Variants in TEX10 observed in about 807,000 individuals in gnomAD.
The protein encoded by TEX10 is testis expressed 10, also known as testis-expressed protein 10.
A neutral mutation model predicts 104.4 loss-of-function variants in TEX10; 24 were observed. The ratio of observed to expected loss-of-function variants is 0.23; its 90% confidence interval spans 0.17 to 0.32. The LOEUF is 0.32. TEX10 is among the 10% of genes least tolerant of loss of function. The pLI, the probability that TEX10 is intolerant of heterozygous loss-of-function variation, is 1.00. For missense variants in TEX10, 921 were observed against 1,083.9 expected (o/e 0.85, Z 2.11); for synonymous variants, 396 against 393.4 (o/e 1.01, Z -0.08).
intron 3 of TEX10, 42 bp downstream of exon 3, chr9:100,346,652 A>G: frequency 6.5e-7 from 1 of 1,547,434 alleles, no homozygotes; most frequent in Non-Finnish European, 8.7e-7. Flanking sequence ...GTTATAATTC[A>G]ATACAGCAAA....
In TEX10 at chr9:100,330,051, T is replaced by C. The variant is rs1588177624; in HGVS notation, c.1369A>G (p.Ile457Val). 1 of 1,614,154 alleles carries C rather than the reference T, an allele frequency of 6.2e-7. No individual in the cohort carries two copies. The highest frequency in any genetic ancestry group is 1.1e-5 in the South Asian group (1 of 91,076). The change falls in exon 6 of 15, where the codon ATA becomes GTA. Residue 457 changes from isoleucine (I) to valine (V), a missense_variant. Physicochemically the swap from Ile to Val is conservative, Grantham distance 29 (BLOSUM62 3). Transcript: ENST00000374902. ...GTTACAAATTTCCTTATCATTTCTA[T>C]CCAACTGCAATCCTTCTGCAAAGTT... ...ASTLQKDCSW[I>V]EMIRKFVTET...
At chr9:100,337,450 A>T (rs893041932) in intron 5 of TEX10, among the ~76,000 whole-genome samples, 8 of 152,234 alleles carry the variant, frequency 5.3e-5, no homozygotes, top group African/African-American at 1.9e-4. Context: ...CTCCATCAAT[A>T]CTTTGAGAGT....
intron 2 of TEX10, 149 bp downstream of exon 2, chr9:100,349,035 G>T: frequency 1.9e-6 from 1 of 534,828 alleles, no homozygotes; most frequent in Non-Finnish European, 2.9e-6. Flanking sequence ...GAGATCTTTG[G>T]GTAAAAGATA....
chr9:100,323,849 T>A (rs1032679882), intron 9 of TEX10, among the ~76,000 whole-genome samples: 2 of 152,106 alleles, frequency 1.3e-5, no homozygotes, highest in Non-Finnish European at 2.9e-5. Context: ...TAAAGGAGTA[T>A]TGCAGAAAAA....
chr9:100,336,834 T>G (rs1359453466), intron 5 of TEX10, among the ~76,000 whole-genome samples: 3 of 152,148 alleles, frequency 2.0e-5, no homozygotes, highest in African/African-American at 7.2e-5. Context: ...GGCTATTTGC[T>G]AAGTATTTAA....
intron 4 of TEX10, among the ~76,000 whole-genome samples, chr9:100,345,046 T>A (rs1835267756): frequency 6.6e-6 from 1 of 152,206 alleles, no homozygotes; most frequent in Admixed American, 6.5e-5. Flanking sequence ...CTAGCCTACA[T>A]CACAAATTAA....
chr9:100,324,550 A>G (rs950767647), intron 9 of TEX10, among the ~76,000 whole-genome samples: 1 of 152,246 alleles, frequency 6.6e-6, no homozygotes, highest in Non-Finnish European at 1.5e-5. Flanking sequence ...TCATTTAAAT[A>G]TGAGTCTGTA....
chr9:100,348,733 T>C (rs10819762), intron 2 of TEX10, among the ~76,000 whole-genome samples: 69,018 of 151,830 alleles, frequency 0.45, 17,370 homozygotes, highest in East Asian at 0.89. Context: ...GGGCAACATA[T>C]TGCAACCTTG....
chr9:100,332,086 T>C lies in TEX10; in HGVS notation c.1251-1917A>G, dbSNP rs150925083. Among the ~76,000 whole-genome samples the C allele has an allele frequency of 1.3e-4, 20 of 152,304 alleles. No individual in the cohort carries two copies. The East Asian group carries it at 3.9e-3, about 29-fold the overall frequency. ...TATCATAATCAAATCCAGACGGAGATGGCCAACAGATAATTCAATGTACAA... is the reference window on the plus strand; with the variant it reads ...TATCATAATCAAATCCAGACGGAGACGGCCAACAGATAATTCAATGTACAA... On this transcript the variant is annotated intron_variant, in intron 5 of 14. Transcript: ENST00000374902.
intron 5 of TEX10, among the ~76,000 whole-genome samples, chr9:100,339,270 A>G (rs1338659365): frequency 8.2e-6 from 1 of 122,090 alleles, no homozygotes; most frequent in East Asian, 2.0e-4. Context: ...AAAAAAAAAA[A>G]AAAAGTATAT....
chr9:100,349,120 AAT>A, intron 2 of TEX10, 62 bp downstream of exon 2: 1 of 1,370,768 alleles, frequency 7.3e-7, no homozygotes, highest in Non-Finnish European at 9.6e-7. Context: ...TTTTCACAAA[AAT>A]ATAACATTCT....
intron 9 of TEX10, among the ~76,000 whole-genome samples, chr9:100,322,872 T>A (rs531867334): frequency 1.3e-5 from 2 of 152,290 alleles, no homozygotes; most frequent in Middle Eastern, 3.4e-3. Flanking sequence ...TGCCTCGGTC[T>A]CCCAGAGTTC....
intron 11 of TEX10, among the ~76,000 whole-genome samples, chr9:100,311,154 T>C (rs1410697411): frequency 2.6e-5 from 4 of 152,056 alleles, no homozygotes; most frequent in Non-Finnish European, 2.9e-5. Context: ...TCTAGTACTT[T>C]GGGAGGCCAA....
At chr9:100,327,346 A>G (rs1159967302) in intron 8 of TEX10, among the ~76,000 whole-genome samples, 1 of 152,026 alleles carries the variant, frequency 6.6e-6, no homozygotes, top group Non-Finnish European at 1.5e-5. Context: ...ATTATATTTC[A>G]ATAATTATAT....
chr9:100,349,483 A>AT, intron 1 of TEX10, 111 bp from the exon 2 acceptor site: 1 of 631,614 alleles, frequency 1.6e-6, no homozygotes, highest in Non-Finnish European at 2.4e-6. Context: ...CGTAATCAAG[A>AT]ATCTGATTAT....
chr9:100,349,405 A>G (rs1835384033), intron 1 of TEX10, 33 bp from the exon 2 acceptor site: 1 of 1,426,830 alleles, frequency 7.0e-7, no homozygotes, highest in African/African-American at 1.4e-5. Context: ...AAAGCAATGG[A>G]TAGAGACAAG....
At chr9:100,339,274 A>AAAAAAAAAAAAAATTAT (rs1835101688) in intron 5 of TEX10, among the ~76,000 whole-genome samples, 1 of 91,702 alleles carries the variant, frequency 1.1e-5, no homozygotes, top group African/African-American at 4.6e-5. Flanking sequence ...AAAAAAAAAA[A>AAAAAAAAAAAAAATTAT]GTATATATAT....
chr9:100,310,920 G>A (rs2118836912), intron 11 of TEX10, among the ~76,000 whole-genome samples: 1 of 152,190 alleles, frequency 6.6e-6, no homozygotes, highest in South Asian at 2.1e-4. Context: ...GCCATGCACA[G>A]GAATAAAAGA....
chr9:100,326,248 G>A, intron 9 of TEX10, 54 bp downstream of exon 9: 1 of 1,565,130 alleles, frequency 6.4e-7, no homozygotes. Context: ...CAAATTACCA[G>A]TAAAAGGGGA....
Sources: gnomAD v4.1 joint callset for allele counts (sites outside exome capture counted in the v4.1 genomes callset) on GRCh38, gnomAD v4.1.1 for gene constraint, MANE v1.5 for transcripts, NCBI Gene and HGNC (gene_info 2026-07-23, HGNC 2026-07-21) for gene names.